The following TENM2 variants were observed in gnomAD, a reference collection of about 807,000 sequenced individuals.
The protein encoded by TENM2 is teneurin-2.
Under a neutral mutation model 245.2 loss-of-function variants are expected in TENM2, and 52 were observed. The observed-to-expected ratio is 0.21, with a 90% CI of 0.17 to 0.27. The LOEUF is 0.27. Ranked by LOEUF, TENM2 falls within the 10% of genes least tolerant of loss-of-function variation. TENM2 has a pLI of 1.00. For missense variants in TENM2, 3,046 were observed against 3,666.8 expected (o/e 0.83, Z 4.37); for synonymous variants, 1,363 against 1,438.9 (o/e 0.95, Z 1.19).
intron 19 of TENM2, among the ~76,000 whole-genome samples, chr5:168,205,406 G>A (rs1762275250): frequency 6.6e-6 from 1 of 152,024 alleles, no homozygotes; most frequent in African/African-American, 2.4e-5. Flanking sequence ...AATCATGTGG[G>A]CAAATAAAAA....
intron 2 of TENM2, among the ~76,000 whole-genome samples, chr5:167,641,093 T>A (rs1779583822): frequency 6.6e-6 from 1 of 150,842 alleles, no homozygotes; most frequent in Non-Finnish European, 1.5e-5. Flanking sequence ...CCCACTCAAG[T>A]TTGAGAACTT....
chr5:168,206,974 C>G (rs1762399740), intron 19 of TENM2, among the ~76,000 whole-genome samples: 1 of 152,086 alleles, frequency 6.6e-6, no homozygotes, highest in Non-Finnish European at 1.5e-5. Context: ...CTTAAAATAC[C>G]TTCTCTACCT....
chr5:168,126,218 G>A (rs879489618), intron 11 of TENM2, among the ~76,000 whole-genome samples: 2 of 152,204 alleles, frequency 1.3e-5, no homozygotes, highest in African/African-American at 2.4e-5. Context: ...TCATGGGAAT[G>A]GAGCAGCGGG....
At chr5:167,796,549 C>CTTA (rs1765333735) in intron 2 of TENM2, among the ~76,000 whole-genome samples, 1 of 152,100 alleles carries the variant, frequency 6.6e-6, no homozygotes, top group African/African-American at 2.4e-5. Flanking sequence ...AGTCAATTCT[C>CTTA]CCATTTATAC....
At chr5:167,411,118 C>G (rs1057246119) in intron 2 of TENM2, among the ~76,000 whole-genome samples, 1 of 152,010 alleles carries the variant, frequency 6.6e-6, no homozygotes, top group Non-Finnish European at 1.5e-5. Context: ...CATTCTAAAT[C>G]GGAATCCACC....
intron 7 of TENM2, among the ~76,000 whole-genome samples, chr5:168,077,517 T>C (rs1360813963): frequency 6.6e-6 from 1 of 152,048 alleles, no homozygotes; most frequent in Non-Finnish European, 1.5e-5. Context: ...CATGTTGGTG[T>C]GCTGCACCCA....
chr5:167,008,484 A>G, the TENM2 span, among the ~76,000 whole-genome samples: 1 of 152,112 alleles, frequency 6.6e-6, no homozygotes, highest in Non-Finnish European at 1.5e-5. Context: ...GAGTCAAACC[A>G]GTTTTTATTA....
Position 167,511,360 on chromosome 5 carries a change from G to C in TENM2, c.502+135887G>C, listed in dbSNP as rs141783279. Among the ~76,000 whole-genome samples the C allele has an allele frequency of 2.1e-3, 317 of 152,232 alleles. 1 individual carries two copies. The highest frequency in any genetic ancestry group is 7.2e-3 in the African/African-American group (299 of 41,560). The stretch of plus-strand genomic sequence containing the variant: ...CTTTAGGAAGGAGTAGAGATCAGCT[G>C]CTTCTGAAATGGAGATGCCAGGAAC... On this transcript the variant is annotated intron_variant, in intron 2 of 28. Transcript: ENST00000518659.
chr5:168,177,224 T>C (rs1346229303), intron 13 of TENM2, among the ~76,000 whole-genome samples: 1 of 152,242 alleles, frequency 6.6e-6, no homozygotes, highest in Non-Finnish European at 1.5e-5. Context: ...TGCCCAACCT[T>C]AGTCAAGTAA....
At chr5:167,401,663 C>T (rs1025107572) in intron 2 of TENM2, among the ~76,000 whole-genome samples, 6 of 152,134 alleles carry the variant, frequency 3.9e-5, no homozygotes, top group African/African-American at 1.4e-4. Context: ...AAATAGGCTT[C>T]AGCGATTCAT....
Position 167,539,359 on chromosome 5 carries a change from G to T in TENM2, c.502+163886G>T, listed in dbSNP as rs997801450. Among the ~76,000 whole-genome samples, 62 of 152,156 alleles carry T rather than the reference G, an allele frequency of 4.1e-4. 2 individuals carry two copies. Among genetic ancestry groups the T allele is most frequent in the African/African-American group, 1.5e-3 (61 of 41,520 alleles). On this transcript the variant is annotated intron_variant, in intron 2 of 28. Transcript: ENST00000518659. ...TTTATTATTAAGATGGCATATGGAG[G>T]TTTTTTCAGGATTGTCCTCATGCAT...
chr5:167,194,981 C>T, the TENM2 span, among the ~76,000 whole-genome samples: 1 of 152,036 alleles, frequency 6.6e-6, no homozygotes, highest in South Asian at 2.1e-4. Context: ...CCATCACTTA[C>T]TTCCTAAAGG....
intron 3 of TENM2, among the ~76,000 whole-genome samples, chr5:167,926,032 A>T (rs1292286784): frequency 6.6e-6 from 1 of 152,212 alleles, no homozygotes; most frequent in Non-Finnish European, 1.5e-5. Context: ...GTGATGAAAT[A>T]ATATGTACAA....
intron 4 of TENM2, among the ~76,000 whole-genome samples, chr5:167,984,071 A>C (rs1273321135): frequency 3.3e-5 from 5 of 152,174 alleles, no homozygotes; most frequent in Non-Finnish European, 7.4e-5. Flanking sequence ...CCCAAGAAGT[A>C]GCTACTATCA....
At chr5:167,340,459 C>A (rs1758028484) in intron 1 of TENM2, among the ~76,000 whole-genome samples, 1 of 152,190 alleles carries the variant, frequency 6.6e-6, no homozygotes, top group African/African-American at 2.4e-5. Context: ...AGATCTCTCT[C>A]CATGACTTGC....
At chr5:167,724,690 T>C (rs1262166264) in intron 2 of TENM2, among the ~76,000 whole-genome samples, 1 of 152,178 alleles carries the variant, frequency 6.6e-6, no homozygotes, top group Admixed American at 6.5e-5. Flanking sequence ...CTTCATTTCT[T>C]TGTGGCTGAG....
chr5:167,824,864 A>C (rs1325730576), intron 2 of TENM2, among the ~76,000 whole-genome samples: 1 of 152,202 alleles, frequency 6.6e-6, no homozygotes, highest in Non-Finnish European at 1.5e-5. Context: ...GTGTGAGCCA[A>C]ACTAACGCCA....
chr5:168,127,046 C>A, intron 12 of TENM2, 80 bp downstream of exon 14: 1 of 1,196,798 alleles, frequency 8.4e-7, no homozygotes, highest in Non-Finnish European at 1.2e-6. Flanking sequence ...TTCAGGGACA[C>A]AAGTGCTCTC....
chr5:168,124,617 C>T (rs949053334), intron 10 of TENM2, among the ~76,000 whole-genome samples: 6 of 152,160 alleles, frequency 3.9e-5, no homozygotes, highest in African/African-American at 1.4e-4. Context: ...TTTCGTTTCT[C>T]TTGTATCTTC....
Sources: allele counts gnomAD v4.1 joint callset (sites outside exome capture counted in the v4.1 genomes callset), GRCh38; gene constraint gnomAD v4.1.1; transcripts MANE v1.5; gene names NCBI Gene and HGNC (gene_info 2026-07-23, HGNC 2026-07-21).